CCDC178: variants seen among roughly 807,000 people sequenced by gnomAD.
CCDC178 encodes the protein coiled-coil domain-containing protein 178.
In CCDC178, 126 loss-of-function variants were observed where a neutral mutation model predicts 117.4. The ratio of observed to expected loss-of-function variants is 1.07; its 90% CI spans 0.93 to 1.24. The LOEUF (loss-of-function observed/expected upper bound fraction) is 1.24, where lower values mean the gene tolerates loss of function less well. CCDC178 is among the 50% of genes most tolerant of loss of function. The probability of loss-of-function intolerance (pLI) is 0.00; values close to 1 mark genes in which losing one functional copy is unlikely to be tolerated. For synonymous variants in CCDC178, 283 were observed against 313.4 expected (o/e 0.90, Z 1.02); for missense variants, 1,030 against 986.9 (o/e 1.04, Z -0.59).
chr18:33,196,309 T>C (rs531319244), intron 20 of CCDC178, among the ~76,000 whole-genome samples: 3 of 152,234 alleles, frequency 2.0e-5, no homozygotes, highest in South Asian at 4.2e-4. Context: ...TCTGTATGTA[T>C]TGTCACACTT....
intron 21 of CCDC178, among the ~76,000 whole-genome samples, chr18:33,046,882 A>C (rs1202714726): frequency 6.6e-6 from 1 of 152,202 alleles, no homozygotes; most frequent in African/African-American, 2.4e-5. Flanking sequence ...CTGAAGGGTA[A>C]GACTGCAGGT....
At chr18:33,281,652 T>C (rs867533217) in intron 12 of CCDC178, among the ~76,000 whole-genome samples, 7 of 152,046 alleles carry the variant, frequency 4.6e-5, no homozygotes, top group African/African-American at 1.7e-4. Context: ...TAAAAGTGAA[T>C]GGGAAAAGGG....
intron 20 of CCDC178, among the ~76,000 whole-genome samples, chr18:33,097,148 G>T (rs1406159993): frequency 1.3e-5 from 2 of 152,174 alleles, no homozygotes; most frequent in East Asian, 1.9e-4. Flanking sequence ...TAGAAATGAT[G>T]CTAAGTGACT....
intron 6 of CCDC178, among the ~76,000 whole-genome samples, chr18:33,363,115 A>T (rs1028999437): frequency 1.3e-5 from 2 of 152,030 alleles, no homozygotes; most frequent in Non-Finnish European, 2.9e-5. Flanking sequence ...GTTCTAAAAA[A>T]ATTTTATTTA....
intron 19 of CCDC178, among the ~76,000 whole-genome samples, chr18:33,213,366 T>C (rs1226680377): frequency 2.0e-5 from 3 of 152,002 alleles, no homozygotes; most frequent in African/African-American, 7.2e-5. Context: ...TCTTCTCCTC[T>C]TTCATCTATC....
chr18:33,084,924 G>A (rs79029999), intron 21 of CCDC178, among the ~76,000 whole-genome samples: 3,709 of 151,982 alleles, frequency 0.024, 74 homozygotes, highest in East Asian at 0.1. Context: ...ATTTTCTACC[G>A]TATCATCCTC....
chr18:33,123,034 G>A (rs271571), intron 20 of CCDC178, among the ~76,000 whole-genome samples: 26,598 of 152,032 alleles, frequency 0.17, 2,988 homozygotes, highest in African/African-American at 0.32. Context: ...ACAGTCTCCA[G>A]ATATTTCGCT....
intron 21 of CCDC178, among the ~76,000 whole-genome samples, chr18:33,027,034 CTT>C (rs1004607610): frequency 2.6e-5 from 4 of 151,772 alleles, no homozygotes; most frequent in African/African-American, 7.2e-5. Context: ...ATAACAGAAT[CTT>C]GGGGATTCAA....
At chr18:33,244,825 A>T (rs1198716164) in intron 15 of CCDC178, among the ~76,000 whole-genome samples, 3 of 151,932 alleles carry the variant, frequency 2.0e-5, no homozygotes. Flanking sequence ...ACAAATTTCC[A>T]GGTACTCTAG....
chr18:33,251,063 A>T (rs1449443715), intron 14 of CCDC178, among the ~76,000 whole-genome samples: 1 of 151,710 alleles, frequency 6.6e-6, no homozygotes, highest in Non-Finnish European at 1.5e-5. Flanking sequence ...AGCCTGGTTG[A>T]GTGGATTCAA....
intron 14 of CCDC178, among the ~76,000 whole-genome samples, chr18:33,248,435 C>T (rs1474286003): frequency 3.4e-5 from 5 of 147,170 alleles, no homozygotes; most frequent in African/African-American, 1.3e-4. Flanking sequence ...CCTCACCCAA[C>T]AGGCCCCAGT....
intron 10 of CCDC178, 31 bp downstream of exon 10, chr18:33,333,143 T>A (rs2062692947): frequency 7.5e-7 from 1 of 1,339,092 alleles, no homozygotes; most frequent in Non-Finnish European, 1.1e-6. Context: ...AAGTAATAAT[T>A]TATGAAATGC....
chr18:33,341,926 A>T (rs2062821905), intron 9 of CCDC178, among the ~76,000 whole-genome samples: 1 of 151,998 alleles, frequency 6.6e-6, no homozygotes, highest in Non-Finnish European at 1.5e-5. Flanking sequence ...GGCATGGATT[A>T]AAAAAAACTC....
At chr18:32,997,624 A>G (rs2055541947) in intron 21 of CCDC178, among the ~76,000 whole-genome samples, 1 of 152,030 alleles carries the variant, frequency 6.6e-6, no homozygotes, top group Admixed American at 6.6e-5. Flanking sequence ...GTGTGTAAAG[A>G]GTGTAGTATA....
chr18:33,053,370 G>C lies in CCDC178; in HGVS notation c.2388+39391C>G, dbSNP rs1201001724. ...TCATTTATGGAACACATTTATTACA[G>C]TGATTCAAATAGTTGAGGGCTCCAT... On this transcript the variant is annotated intron_variant, in intron 21 of 22. Transcript: ENST00000383096. Among the ~76,000 whole-genome samples, 4 of 152,278 alleles carry C rather than the reference G, an allele frequency of 2.6e-5. No individual in the cohort carries two copies. In the East Asian group the frequency reaches 7.7e-4, roughly 29 times the overall value.
At chr18:33,150,081 A>G (rs935486903) in intron 20 of CCDC178, among the ~76,000 whole-genome samples, 4 of 152,194 alleles carry the variant, frequency 2.6e-5, no homozygotes, top group Non-Finnish European at 5.9e-5. Context: ...CTAGAAATAA[A>G]GCCGAATACT....
intron 11 of CCDC178, among the ~76,000 whole-genome samples, chr18:33,317,102 C>T (rs2062429936): frequency 6.6e-6 from 1 of 152,152 alleles, no homozygotes. Flanking sequence ...TGGCAACCTG[C>T]TTGGGTCCCC....
intron 20 of CCDC178, among the ~76,000 whole-genome samples, chr18:33,116,527 C>CA (rs1483242541): frequency 5.3e-5 from 8 of 152,242 alleles, no homozygotes; most frequent in African/African-American, 1.7e-4. Flanking sequence ...GTTTGACACA[C>CA]AAGGTGGCAG....
intron 12 of CCDC178, among the ~76,000 whole-genome samples, chr18:33,282,627 C>T (rs764956854): frequency 1.3e-5 from 2 of 152,178 alleles, no homozygotes; most frequent in Non-Finnish European, 2.9e-5. Flanking sequence ...CACACCAGCC[C>T]ACATGCTCTC....
Sources: gnomAD v4.1 joint callset for allele counts (sites outside exome capture counted in the v4.1 genomes callset) on GRCh38, gnomAD v4.1.1 for gene constraint, MANE v1.5 for transcripts, NCBI Gene and HGNC (gene_info 2026-07-23, HGNC 2026-07-21) for gene names.